PPARGC1A: variants seen among roughly 807,000 people sequenced by gnomAD.
PPARGC1A encodes the protein peroxisome proliferator-activated receptor gamma coactivator 1-alpha.
Under a neutral mutation model 88.7 loss-of-function variants are expected in PPARGC1A, and 25 were observed. That is an observed-to-expected ratio of 0.28 (90% confidence interval 0.21 to 0.39). The LOEUF (loss-of-function observed/expected upper bound fraction) is 0.39. Ranked by LOEUF, PPARGC1A falls within the 10% of genes least tolerant of loss-of-function variation. The probability of loss-of-function intolerance (pLI) is 1.00; values close to 1 mark genes in which losing one functional copy is unlikely to be tolerated. For missense variants in PPARGC1A, 880 were observed against 968.7 expected, an observed-to-expected ratio of 0.91 and a Z score of 1.22; for synonymous variants, 363 against 355.6, an observed-to-expected ratio of 1.02 and a Z score of -0.24.
chr4:23,824,755 C>G (rs935182097), intron 5 of PPARGC1A, among the ~76,000 whole-genome samples: 10 of 152,142 alleles, frequency 6.6e-5, no homozygotes, highest in Middle Eastern at 3.4e-3. Flanking sequence ...AATGAACCCT[C>G]CCTGTTACAG....
the PPARGC1A span, among the ~76,000 whole-genome samples, chr4:24,296,095 T>A: frequency 2.0e-5 from 3 of 151,002 alleles, no homozygotes; most frequent in Non-Finnish European, 4.4e-5. Flanking sequence ...TATACACACA[T>A]ACATATATAT....
chr4:23,989,911 A>AT, the PPARGC1A span, among the ~76,000 whole-genome samples: 46 of 150,368 alleles, frequency 3.1e-4, no homozygotes, highest in African/African-American at 1.1e-3. Context: ...AACTGTTGAA[A>AT]TTTTTTTTAA....
chr4:24,245,486 T>C, the PPARGC1A span, among the ~76,000 whole-genome samples: 1 of 152,370 alleles, frequency 6.6e-6, no homozygotes, highest in African/African-American at 2.4e-5. Flanking sequence ...TTCCATCATC[T>C]TTTTGATTAA....
At chr4:23,922,613 C>T in the PPARGC1A span, among the ~76,000 whole-genome samples, 33 of 152,200 alleles carry the variant, frequency 2.2e-4, no homozygotes, top group African/African-American at 6.5e-4. Flanking sequence ...GGGTCTGAGG[C>T]GGAGGTTTCT....
At chr4:24,286,791 G>A in the PPARGC1A span, among the ~76,000 whole-genome samples, 566 of 152,234 alleles carry the variant, frequency 3.7e-3, 5 homozygotes, top group African/African-American at 0.012. Context: ...TCAGAGCAGC[G>A]TAGGTGAGGA....
the PPARGC1A span, among the ~76,000 whole-genome samples, chr4:24,033,818 G>T: frequency 1.3e-5 from 2 of 152,180 alleles, no homozygotes; most frequent in Admixed American, 6.5e-5. Flanking sequence ...TCAAATGGCT[G>T]GAAGAGAGGC....
chr4:24,228,678 G>A, the PPARGC1A span, among the ~76,000 whole-genome samples: 1 of 152,102 alleles, frequency 6.6e-6, no homozygotes, highest in African/African-American at 2.4e-5. Flanking sequence ...AAAAAACCCA[G>A]GTAGGGAATA....
intron 10 of PPARGC1A, among the ~76,000 whole-genome samples, chr4:23,806,260 AAGGCATCCAAATGCCTAGAAAGCAAAG>A (rs1168237672): frequency 2.0e-5 from 3 of 152,214 alleles, no homozygotes; most frequent in Non-Finnish European, 4.4e-5. Context: ...ATGAAAATAA[AAGGCATCCAAATGCCTAGAAAGCAAAG>A]ACAAAAATCT....
chr4:24,039,426 C>T, the PPARGC1A span, among the ~76,000 whole-genome samples: 2 of 152,152 alleles, frequency 1.3e-5, no homozygotes, highest in Admixed American at 6.6e-5. Flanking sequence ...TTGGGAGGAA[C>T]TGCTCCCTTC....
the PPARGC1A span, among the ~76,000 whole-genome samples, chr4:24,436,269 G>A: frequency 6.6e-6 from 1 of 152,220 alleles, no homozygotes; most frequent in African/African-American, 2.4e-5. Flanking sequence ...AATTGATGAT[G>A]AGCAAAATGT....
chr4:24,013,503 C>T, the PPARGC1A span, among the ~76,000 whole-genome samples: 1 of 152,076 alleles, frequency 6.6e-6, no homozygotes, highest in Non-Finnish European at 1.5e-5. Context: ...TTTTTGCCTA[C>T]TTGCTTTCCT....
At chr4:24,018,232 T>C in the PPARGC1A span, among the ~76,000 whole-genome samples, 1 of 152,214 alleles carries the variant, frequency 6.6e-6, no homozygotes, top group African/African-American at 2.4e-5. Context: ...ACTATTTCAA[T>C]AAAGACTTGA....
At chr4:24,273,666 C>T in the PPARGC1A span, among the ~76,000 whole-genome samples, 1 of 151,696 alleles carries the variant, frequency 6.6e-6, no homozygotes, top group Non-Finnish European at 1.5e-5. Context: ...CAGCCCAAGG[C>T]ACCTTCCAAT....
At chr4:24,187,667 A>G in the PPARGC1A span, among the ~76,000 whole-genome samples, 1 of 152,204 alleles carries the variant, frequency 6.6e-6, no homozygotes. Flanking sequence ...TCATTTATCC[A>G]CCCAGCAAAT....
chr4:24,309,676 G>A, the PPARGC1A span, among the ~76,000 whole-genome samples: 1 of 152,164 alleles, frequency 6.6e-6, no homozygotes, highest in South Asian at 2.1e-4. Context: ...TGAACTCCTG[G>A]GCTCAAGGGA....
At chr4:24,137,743 C>T in the PPARGC1A span, among the ~76,000 whole-genome samples, 1 of 152,192 alleles carries the variant, frequency 6.6e-6, no homozygotes, top group African/African-American at 2.4e-5. Flanking sequence ...ATTCATATCT[C>T]AATGTAACTT....
chr4:23,885,694 T>C (rs1716759764), intron 1 of PPARGC1A, among the ~76,000 whole-genome samples: 1 of 152,062 alleles, frequency 6.6e-6, no homozygotes, highest in Non-Finnish European at 1.5e-5. Flanking sequence ...GTGTGTACGG[T>C]TGGAATCACC....
At chr4:23,934,878 T>C in the PPARGC1A span, among the ~76,000 whole-genome samples, 1 of 152,154 alleles carries the variant, frequency 6.6e-6, no homozygotes, top group Non-Finnish European at 1.5e-5. Context: ...CAAAAAACAA[T>C]TGCCACTGCC....
At chr4:24,214,155 A>T in the PPARGC1A span, among the ~76,000 whole-genome samples, 1 of 152,234 alleles carries the variant, frequency 6.6e-6, no homozygotes, top group Non-Finnish European at 1.5e-5. Context: ...GGTACATTAC[A>T]GTGGAGCATC....
Sources: allele counts gnomAD v4.1 joint callset (sites outside exome capture counted in the v4.1 genomes callset), GRCh38; gene constraint gnomAD v4.1.1; transcripts MANE v1.5; gene names NCBI Gene and HGNC (gene_info 2026-07-23, HGNC 2026-07-21).